The following PRKG1 variants were observed in gnomAD, a reference collection of about 807,000 sequenced individuals.
The protein encoded by PRKG1 is cGMP-dependent protein kinase 1.
PRKG1 carries 35 observed loss-of-function variants against 88.1 expected under a neutral mutation model. That is an observed-to-expected ratio of 0.40 (90% CI 0.30 to 0.53). The LOEUF is 0.53. Among genes scored for constraint, PRKG1 ranks in the 20% least tolerant of loss-of-function variants. The probability of loss-of-function intolerance (pLI) is 0.59; values close to 1 mark genes in which losing one functional copy is unlikely to be tolerated. For missense variants in PRKG1, 540 were observed against 839.8 expected, an observed-to-expected ratio of 0.64 and a Z score of 4.41; for synonymous variants, 303 against 292.5, an observed-to-expected ratio of 1.04 and a Z score of -0.37.
Position 51,403,019 on chromosome 10 carries a change from C to T in PRKG1, c.479-64704C>T, listed in dbSNP as rs188804177. 3.3e-5 allele frequency among the ~76,000 whole-genome samples: 5 copies of T among 152,270 alleles called. No individual in the cohort carries two copies. In the East Asian group the frequency reaches 7.7e-4, roughly 24 times the overall value. ...ATAATTGTTTTGTCATGGAATAGCACATTTTAGAACATTGGAAGAATATAT... is the reference window on the plus strand; with the variant it reads ...ATAATTGTTTTGTCATGGAATAGCATATTTTAGAACATTGGAAGAATATAT... On this transcript the variant is annotated intron_variant, in intron 2 of 17. Transcript: ENST00000373980.
intron 5 of PRKG1, among the ~76,000 whole-genome samples, chr10:52,015,808 T>C (rs1380765728): frequency 6.6e-6 from 1 of 152,174 alleles, no homozygotes; most frequent in African/African-American, 2.4e-5. Context: ...ATACGCTAAA[T>C]TATCTCTCTC....
chr10:51,448,768 A>G (rs909641344), intron 2 of PRKG1, among the ~76,000 whole-genome samples: 3 of 152,008 alleles, frequency 2.0e-5, no homozygotes. Flanking sequence ...TTTGCCTTAC[A>G]TAAGTCTTAA....
intron 3 of PRKG1, among the ~76,000 whole-genome samples, chr10:51,539,474 A>G (rs889692570): frequency 2.6e-5 from 4 of 152,218 alleles, no homozygotes; most frequent in African/African-American, 9.6e-5. Flanking sequence ...TAGGGATTTC[A>G]TCTTTTCTCA....
intron 3 of PRKG1, among the ~76,000 whole-genome samples, chr10:51,724,140 C>T (rs1842076709): frequency 6.6e-6 from 1 of 152,124 alleles, no homozygotes; most frequent in South Asian, 2.1e-4. Context: ...GTGAAAAATA[C>T]AAGAAATCTC....
At chr10:51,385,614 C>T (rs1486335482) in intron 2 of PRKG1, among the ~76,000 whole-genome samples, 1 of 151,944 alleles carries the variant, frequency 6.6e-6, no homozygotes, top group African/African-American at 2.4e-5. Context: ...CTGTGATGGA[C>T]TCCTACATTG....
chr10:51,554,334 A>G (rs1267905767), intron 3 of PRKG1, among the ~76,000 whole-genome samples: 1 of 80,422 alleles, frequency 1.2e-5, no homozygotes, highest in African/African-American at 3.2e-5. Context: ...ATACACACAT[A>G]TATTATATAC....
At chr10:51,097,432 A>G (rs1419411121) in intron 1 of PRKG1, among the ~76,000 whole-genome samples, 2 of 152,030 alleles carry the variant, frequency 1.3e-5, no homozygotes, top group East Asian at 3.9e-4. Context: ...CATGTTGCCA[A>G]GGTTGGTCTG....
At chr10:52,281,910 G>C (rs1842009797) in intron 13 of PRKG1, among the ~76,000 whole-genome samples, 1 of 152,022 alleles carries the variant, frequency 6.6e-6, no homozygotes, top group Non-Finnish European at 1.5e-5. Flanking sequence ...CGGAAAGGAA[G>C]ATTTACCTTT....
intron 1 of PRKG1, among the ~76,000 whole-genome samples, chr10:51,048,248 TTC>T (rs1276649116): frequency 1.3e-5 from 2 of 152,120 alleles, no homozygotes; most frequent in Non-Finnish European, 2.9e-5. Context: ...TCTCTCTATT[TTC>T]TTTTTCCCTT....
intron 3 of PRKG1, among the ~76,000 whole-genome samples, chr10:51,702,942 G>A (rs1476777034): frequency 6.6e-6 from 1 of 152,098 alleles, no homozygotes; most frequent in Non-Finnish European, 1.5e-5. Context: ...CGATCTGCTT[G>A]CCTCAGTCTC....
At chr10:52,139,233 G>A (rs925279017) in intron 8 of PRKG1, among the ~76,000 whole-genome samples, 8 of 152,120 alleles carry the variant, frequency 5.3e-5, no homozygotes, top group Non-Finnish European at 1.2e-4. Flanking sequence ...CTGAATATAT[G>A]TATAGAACCA....
chr10:51,202,286 A>C (rs1837931657), intron 2 of PRKG1, among the ~76,000 whole-genome samples: 1 of 152,196 alleles, frequency 6.6e-6, no homozygotes, highest in African/African-American at 2.4e-5. Flanking sequence ...CAGCTTTCTC[A>C]CACTTGAGAG....
At chr10:51,435,997 C>T (rs1838917248) in intron 2 of PRKG1, among the ~76,000 whole-genome samples, 2 of 151,926 alleles carry the variant, frequency 1.3e-5, no homozygotes, top group Admixed American at 1.3e-4. Context: ...AACACAATAA[C>T]AGACTCCAGG....
chr10:51,753,891 A>C (rs1232608448), intron 3 of PRKG1, among the ~76,000 whole-genome samples: 1 of 152,060 alleles, frequency 6.6e-6, no homozygotes, highest in South Asian at 2.1e-4. Context: ...GCTCATGAAC[A>C]TTCTTTTTGT....
At chr10:52,052,428 A>AAT (rs1309039893) in intron 5 of PRKG1, among the ~76,000 whole-genome samples, 1 of 151,254 alleles carries the variant, frequency 6.6e-6, no homozygotes, top group East Asian at 1.9e-4. Flanking sequence ...AAAATAAAAT[A>AAT]ATAATAATAA....
intron 5 of PRKG1, among the ~76,000 whole-genome samples, chr10:51,953,534 C>G (rs1014163474): frequency 6.6e-6 from 1 of 152,040 alleles, no homozygotes; most frequent in African/African-American, 2.4e-5. Context: ...GACTACTGAC[C>G]GATGAAAAGG....
At chr10:51,928,660 G>C (rs963350347) in intron 5 of PRKG1, among the ~76,000 whole-genome samples, 10 of 152,252 alleles carry the variant, frequency 6.6e-5, no homozygotes, top group Admixed American at 2.0e-4. Flanking sequence ...AGTTTGGGAT[G>C]GATATTGTAT....
intron 3 of PRKG1, among the ~76,000 whole-genome samples, chr10:51,673,762 AT>A (rs1423933623): frequency 6.6e-6 from 1 of 152,214 alleles, no homozygotes; most frequent in African/African-American, 2.4e-5. Context: ...ACTTTAATGT[AT>A]ATTATCATGA....
At chr10:51,440,156 G>A (rs138159475) in intron 2 of PRKG1, among the ~76,000 whole-genome samples, 39 of 151,776 alleles carry the variant, frequency 2.6e-4, no homozygotes, top group East Asian at 2.1e-3. Flanking sequence ...ATGATACTCC[G>A]TTCAATCTTT....
Sources: allele counts gnomAD v4.1 joint callset (sites outside exome capture counted in the v4.1 genomes callset), GRCh38; gene constraint gnomAD v4.1.1; transcripts MANE v1.5; gene names NCBI Gene and HGNC (gene_info 2026-07-23, HGNC 2026-07-21).